Variants in SHBG observed in about 807,000 individuals in gnomAD.
SHBG encodes sex hormone-binding globulin.
Under a neutral mutation model 41.9 loss-of-function variants are expected in SHBG, and 37 were observed. That is an observed-to-expected ratio of 0.88 (90% CI 0.68 to 1.16). The LOEUF (loss-of-function observed/expected upper bound fraction) is 1.16. SHBG is among the 50% of genes most tolerant of loss of function. The pLI is 0.00. For missense variants in SHBG, 466 were observed against 499.9 expected, an observed-to-expected ratio of 0.93 and a Z score of 0.65; for synonymous variants, 217 against 205.8, an observed-to-expected ratio of 1.05 and a Z score of -0.47.
At chr17:7,631,821 C>G in intron 5 of SHBG, 58 bp from the exon 6 acceptor site, 1 of 1,613,234 alleles carries the variant, frequency 6.2e-7, no homozygotes, top group South Asian at 1.1e-5. Flanking sequence ...TACCACTGGC[C>G]CCTTTCCTCC....
Position 7,630,663 on chromosome 17 carries a change from C to T in SHBG, c.204-17C>T, listed in dbSNP as rs752155352. 5.6e-6 allele frequency: 9 copies of T among 1,609,912 alleles called. No homozygotes were observed. In the South Asian group the frequency reaches 9.9e-5, roughly 18 times the overall value. ...GGACACATGACATACACAATCTTTC[C>T]TTCTGTGTCCTTCCAGAACCTCCTC... On this transcript the variant is annotated splice_polypyrimidine_tract_variant and intron_variant, in intron 2 of 7. Transcript: ENST00000380450. This position sits in a 1 kb window ranked among gnomAD's most constrained non-coding sequence, Gnocchi z 4.6.
rs531199527 is a variant in SHBG, at chr17:7,617,495, C to T, written c.-62+3384C>T. Among the ~76,000 whole-genome samples the T allele has an allele frequency of 2.0e-5, 3 of 151,724 alleles. No individual in the cohort carries two copies. The East Asian group carries it at 5.8e-4, about 29-fold the overall frequency. On this transcript the variant is annotated intron_variant, in intron 1 of 5. Coordinates refer to the SHBG transcript ENST00000570547. ...GCACGCGCTTGTAGTCCCAGCTACTCGGGAGACTGAGGCAGGAGAATCGCT... is the reference window on the plus strand; with the variant it reads ...GCACGCGCTTGTAGTCCCAGCTACTTGGGAGACTGAGGCAGGAGAATCGCT...
intron 1 of SHBG, among the ~76,000 whole-genome samples, chr17:7,618,481 A>G (rs2072033149): frequency 6.6e-6 from 1 of 150,696 alleles, no homozygotes; most frequent in Non-Finnish European, 1.5e-5. Context: ...TTTTTTTTGT[A>G]TTTTTAGTAA....
At position 7,631,228 on chromosome 17, in the gene SHBG, T is replaced by C. The variant is rs916350673; in HGVS notation, c.422T>C (p.Val141Ala). 6.9e-6 allele frequency: 11 copies of C among 1,591,116 alleles called. No homozygotes were observed. Among genetic ancestry groups the C allele is most frequent in the Non-Finnish European group, 8.6e-6 (10 of 1,168,974 alleles). Residue 141 changes from valine to alanine, a missense_variant, in exon 4 of 8, where the codon GTG (valine) becomes GCG (alanine). Physicochemically the swap from Val to Ala is moderately conservative, Grantham distance 64. Coordinates refer to ENST00000380450, the MANE Select transcript of SHBG (RefSeq NM_001040.5). ...GAAGTCAAGATGGAGGGGGACTCTGTGCTGCTGGAGGTGGATGGGGAGGAG... is the reference window on the plus strand; with the variant it reads ...GAAGTCAAGATGGAGGGGGACTCTGCGCTGCTGGAGGTGGATGGGGAGGAG... ...QVEVKMEGDS[V>A]LLEVDGEEVL... is the part of the protein sequence containing the mutation.
At chr17:7,614,656 C>A (rs1434893746) in intron 1 of SHBG, 3 of 452,010 alleles carry the variant, frequency 6.6e-6, no homozygotes, top group Non-Finnish European at 1.0e-5. Context: ...GGGGCGGGAG[C>A]CGGGCCGGCC....
At chr17:7,627,764 C>A, upstream of SHBG, 1 of 948,122 alleles carries the variant, frequency 1.1e-6, no homozygotes, top group Non-Finnish European at 1.7e-6. This position sits in a 1 kb window ranked among gnomAD's most constrained non-coding sequence, Gnocchi z 4.8. Context: ...GGGGGGACGG[C>A]GGGGTAGCCG....
upstream of SHBG, chr17:7,626,745 C>CT (rs1323270828): frequency 6.2e-7 from 1 of 1,614,186 alleles, no homozygotes; most frequent in Admixed American, 1.7e-5. Context: ...CCCCACCCAT[C>CT]TCCTCACCTC....
At chr17:7,617,548 A>G (rs982939517) in intron 1 of SHBG, among the ~76,000 whole-genome samples, 1 of 152,156 alleles carries the variant, frequency 6.6e-6, no homozygotes, top group African/African-American at 2.4e-5. Context: ...GGTTGCAGTG[A>G]GCCAAGATTG....
chr17:7,626,737 C>T, upstream of SHBG: 2 of 1,614,132 alleles, frequency 1.2e-6, no homozygotes, highest in African/African-American at 1.3e-5. Flanking sequence ...ACTTGTCGCC[C>T]CACCCATCTC....
intron 1 of SHBG, among the ~76,000 whole-genome samples, chr17:7,620,021 T>A (rs959685399): frequency 6.6e-6 from 1 of 151,742 alleles, no homozygotes; most frequent in Non-Finnish European, 1.5e-5. Context: ...AGGCCAGAAG[T>A]TCATGGTTAC....
chr17:7,615,846 A>AAAG (rs1555572928), intron 1 of SHBG, among the ~76,000 whole-genome samples: 4 of 151,130 alleles, frequency 2.6e-5, no homozygotes, highest in Non-Finnish European at 4.4e-5. Context: ...AAAAAAAAAA[A>AAAG]AAAGAAAGAA....
chr17:7,615,621 C>A (rs954234989), intron 1 of SHBG, among the ~76,000 whole-genome samples: 5 of 147,584 alleles, frequency 3.4e-5, no homozygotes, highest in Non-Finnish European at 6.0e-5. Flanking sequence ...GGGTTCGAGA[C>A]CAGCGTGGCC....
chr17:7,624,678 G>T (rs894796639), upstream of SHBG, among the ~76,000 whole-genome samples: 1 of 151,546 alleles, frequency 6.6e-6, no homozygotes, highest in African/African-American at 2.4e-5. Context: ...TTGAGACTGG[G>T]TATGGCTCTG....
At chr17:7,615,565 C>T (rs2071963821) in intron 1 of SHBG, among the ~76,000 whole-genome samples, 1 of 151,840 alleles carries the variant, frequency 6.6e-6, no homozygotes, top group South Asian at 2.1e-4. Context: ...CTCTGGGAGG[C>T]CGAGGCAGGT....
At chr17:7,622,529 T>C (rs1381614044) in intron 1 of SHBG, among the ~76,000 whole-genome samples, 1 of 151,850 alleles carries the variant, frequency 6.6e-6, no homozygotes, top group African/African-American at 2.4e-5. Flanking sequence ...CACCTTGGCC[T>C]CCCAAAGTGC....
upstream of SHBG, among the ~76,000 whole-genome samples, chr17:7,625,195 C>T (rs1025575903): frequency 6.6e-5 from 10 of 151,670 alleles, no homozygotes; most frequent in South Asian, 2.1e-4. Context: ...ATGATCGACC[C>T]GCCTCGGCCT....
At chr17:7,623,228 C>T (rs1236029571), upstream of SHBG, among the ~76,000 whole-genome samples, 1 of 151,992 alleles carries the variant, frequency 6.6e-6, no homozygotes, top group African/African-American at 2.4e-5. Flanking sequence ...CTCATCTCTA[C>T]TAGAAACACA....
chr17:7,629,905 G>A (rs2072342692), upstream of SHBG, among the ~76,000 whole-genome samples: 1 of 152,066 alleles, frequency 6.6e-6, no homozygotes, highest in Admixed American at 6.6e-5. Flanking sequence ...AGGGGAGATG[G>A]AATATCCTCT....
At chr17:7,626,508 G>A (rs749920836), upstream of SHBG, 9 of 1,614,078 alleles carry the variant, frequency 5.6e-6, no homozygotes, top group Non-Finnish European at 2.5e-6. Flanking sequence ...CCAGCCCTCA[G>A]CTTCCGTCAG....
Sources: allele counts gnomAD v4.1 joint callset (sites outside exome capture counted in the v4.1 genomes callset), GRCh38; gene constraint gnomAD v4.1.1; non-coding constraint Gnocchi (gnomAD v3.1); transcripts MANE v1.5; gene names NCBI Gene and HGNC (gene_info 2026-07-23, HGNC 2026-07-21).